Variants in C6 observed in about 807,000 individuals in gnomAD.
C6 encodes the protein complement component C6.
A neutral mutation model predicts 112.9 loss-of-function variants in C6; 101 were observed. The observed-to-expected ratio is 0.89, with a 90% CI of 0.76 to 1.06. C6 has a LOEUF of 1.06. Among genes scored for constraint, C6 ranks in the 50% least tolerant of loss-of-function variants. The pLI, the probability that C6 is intolerant of heterozygous loss-of-function variation, is 0.00. For missense variants in C6, 1,202 were observed against 1,104.6 expected, an observed-to-expected ratio of 1.09 and a Z score of -1.25; for synonymous variants, 431 against 384.1, an observed-to-expected ratio of 1.12 and a Z score of -1.43.
At chr5:41,227,243 T>A (rs769275763) in intron 1 of C6, among the ~76,000 whole-genome samples, 2 of 152,180 alleles carry the variant, frequency 1.3e-5, no homozygotes, top group Admixed American at 1.3e-4. Context: ...CTGTTGGTCA[T>A]TTGTATGTCT....
chr5:41,207,144 A>G (rs552014052), intron 1 of C6, among the ~76,000 whole-genome samples: 1 of 152,332 alleles, frequency 6.6e-6, no homozygotes, highest in South Asian at 2.1e-4. Context: ...TAAGTGAAGG[A>G]GAAATAAAAT....
At chr5:41,251,030 C>G (rs1464272300) in intron 1 of C6, among the ~76,000 whole-genome samples, 1 of 152,134 alleles carries the variant, frequency 6.6e-6, no homozygotes, top group East Asian at 1.9e-4. Flanking sequence ...GACCTTGAAG[C>G]TCAGAGATGA....
At chr5:41,156,068 C>T (rs954593735) in intron 13 of C6, among the ~76,000 whole-genome samples, 2 of 151,984 alleles carry the variant, frequency 1.3e-5, no homozygotes, top group Non-Finnish European at 2.9e-5. Flanking sequence ...TAAAGTGGGT[C>T]TTAGACTTCT....
intron 15 of C6, among the ~76,000 whole-genome samples, chr5:41,150,871 G>A (rs1746325895): frequency 1.4e-5 from 2 of 141,692 alleles, no homozygotes; most frequent in African/African-American, 5.4e-5. Flanking sequence ...GGGCAACAGA[G>A]TAAGACTCTG....
chr5:41,161,370 G>A (rs991355752), intron 10 of C6, among the ~76,000 whole-genome samples: 2 of 152,034 alleles, frequency 1.3e-5, no homozygotes, highest in Non-Finnish European at 2.9e-5. Context: ...GAAGAACACA[G>A]AAACCAGATT....
In C6 at chr5:41,245,546, G is replaced by C. The variant is rs756525281; in HGVS notation, c.-21+15648C>G. Among the ~76,000 whole-genome samples, 11 of 152,178 alleles carry C rather than the reference G, an allele frequency of 7.2e-5. No individual in the cohort carries two copies. In the South Asian group the frequency reaches 2.3e-3, roughly 32 times the overall value. On this transcript the variant is annotated intron_variant, in intron 1 of 17. Transcript: ENST00000263413. The stretch of plus-strand genomic sequence containing the variant: ...ACAAGATTCACTAGTAAAGCCATCT[G>C]GACCTTGATATTTTTTTCCTGTGGG...
chr5:41,156,386 C>T (rs764268021), intron 13 of C6, among the ~76,000 whole-genome samples: 2 of 152,252 alleles, frequency 1.3e-5, no homozygotes, highest in Middle Eastern at 3.4e-3. Context: ...GTGTTTATCA[C>T]GTTTATCAGC....
upstream of C6, chr5:41,213,713 C>T (rs565966614): frequency 2.7e-4 from 49 of 184,088 alleles, no homozygotes; most frequent in Middle Eastern, 8.4e-3. Flanking sequence ...ATAGAAATCT[C>T]TCTTTCCATT....
intron 14 of C6, among the ~76,000 whole-genome samples, 164 bp downstream of exon 14, chr5:41,154,808 T>C (rs192066787): frequency 4.6e-5 from 7 of 152,342 alleles, no homozygotes; most frequent in Admixed American, 4.6e-4. Context: ...AATCCAGTTT[T>C]AGCAAATGAG....
chr5:41,243,649 T>C (rs1186982670), intron 1 of C6, among the ~76,000 whole-genome samples: 1 of 152,154 alleles, frequency 6.6e-6, no homozygotes, highest in African/African-American at 2.4e-5. Flanking sequence ...TAGCTGTAGG[T>C]GGTCTGTCAT....
In C6 at chr5:41,142,629, C is replaced by T; in HGVS notation, c.*196G>A. The T allele has an allele frequency of 1.6e-6, 1 of 610,006 alleles. No homozygotes were observed. Among genetic ancestry groups the T allele is most frequent in the Non-Finnish European group, 3.0e-6 (1 of 335,884 alleles). The allele number at this position is 610,006 out of a possible 1,614,324, so 37.8% of individuals were successfully genotyped here. The stretch of plus-strand genomic sequence containing the variant: ...TACCTAGGGGTATGCTACAGGGCGT[C>T]ATGAGCTGGAACTGAATAAGACATG... On this transcript the variant is annotated 3_prime_UTR_variant, in exon 18 of 18. Coordinates refer to ENST00000337836, the MANE Select transcript of C6 (RefSeq NM_000065.5).
At chr5:41,217,462 G>A (rs985771927), upstream of C6, among the ~76,000 whole-genome samples, 11 of 152,022 alleles carry the variant, frequency 7.2e-5, no homozygotes, top group African/African-American at 2.7e-4. Flanking sequence ...TGCTGAATAC[G>A]CCTCTACAAA....
At chr5:41,169,343 A>T (rs1748245138) in intron 9 of C6, among the ~76,000 whole-genome samples, 1 of 151,990 alleles carries the variant, frequency 6.6e-6, no homozygotes, top group South Asian at 2.1e-4. Context: ...ACACACACAC[A>T]CGCACTCTTA....
intron 2 of C6, among the ~76,000 whole-genome samples, chr5:41,202,254 T>C (rs1231063460): frequency 6.6e-6 from 1 of 152,114 alleles, no homozygotes; most frequent in Non-Finnish European, 1.5e-5. Flanking sequence ...TGCAAAGATT[T>C]GAGGCAGATG....
chr5:41,198,212 C>A (rs1750751700), intron 4 of C6, among the ~76,000 whole-genome samples: 1 of 152,098 alleles, frequency 6.6e-6, no homozygotes, highest in Admixed American at 6.6e-5. Context: ...GGAGGAAAGG[C>A]AAGATGGTCA....
chr5:41,242,954 T>G (rs777620093), intron 1 of C6, among the ~76,000 whole-genome samples: 2 of 151,284 alleles, frequency 1.3e-5, no homozygotes, highest in Non-Finnish European at 2.9e-5. Context: ...ACAATGGAAC[T>G]CATAGACGCA....
chr5:41,191,067 C>CTTTTTTTTTTTTTTTTT (rs142519688), intron 5 of C6, among the ~76,000 whole-genome samples: 2 of 84,756 alleles, frequency 2.4e-5, no homozygotes, highest in East Asian at 3.4e-4. Context: ...ATGCCTTTGG[C>CTTTTTTTTTTTTTTTTT]TTTTTTTTTT....
chr5:41,150,079 G>A, intron 15 of C6, 54 bp from the exon 16 acceptor site: 1 of 1,115,922 alleles, frequency 9.0e-7, no homozygotes, highest in Non-Finnish European at 1.4e-6. Flanking sequence ...GATTCTAAGT[G>A]ATAAGCTTGA....
exon 1 of C6, chr5:41,261,219 C>G (rs778375775): frequency 2.0e-5 from 20 of 985,482 alleles, no homozygotes; most frequent in Non-Finnish European, 2.2e-5. Flanking sequence ...TGAAGAAATA[C>G]CAGCAGATAC....
Sources: gnomAD v4.1 joint callset for allele counts (sites outside exome capture counted in the v4.1 genomes callset) on GRCh38, gnomAD v4.1.1 for gene constraint, MANE v1.5 for transcripts, NCBI Gene and HGNC (gene_info 2026-07-23, HGNC 2026-07-21) for gene names.